Variants in CHODL observed in about 807,000 individuals in gnomAD.
CHODL encodes the protein transmembrane protein MT75.
In CHODL, 29 loss-of-function variants were observed where a neutral mutation model predicts 34.5. The ratio of observed to expected loss-of-function variants is 0.84; its 90% CI spans 0.63 to 1.15. The LOEUF (loss-of-function observed/expected upper bound fraction) is 1.15, where lower values mean the gene tolerates loss of function less well. Among genes scored for constraint, CHODL ranks in the 50% most tolerant of loss-of-function variants. CHODL has a pLI of 0.00. For synonymous variants in CHODL, 125 were observed against 116.1 expected (o/e 1.08, Z -0.49); for missense variants, 332 against 332.5 (o/e 1.00, Z 0.01).
intron 2 of CHODL, among the ~76,000 whole-genome samples, chr21:18,095,150 TA>T (rs1188691597): frequency 4.0e-5 from 6 of 149,700 alleles, no homozygotes; most frequent in Admixed American, 2.0e-4. Flanking sequence ...GAAAGAAAAA[TA>T]ATAAAAGAGC....
chr21:18,010,980 T>A lies in CHODL; in HGVS notation c.-144-16892T>A, dbSNP rs1160295576. Among the ~76,000 whole-genome samples, 3 of 152,218 alleles carry A rather than the reference T, an allele frequency of 2.0e-5. No homozygotes were observed. In the East Asian group the frequency reaches 5.8e-4, roughly 29 times the overall value. ...TAATACTCTTAGAAGACATTCTTAC[T>A]TCTGAATATTTACTCAAATGTTTCA... On this transcript the variant is annotated intron_variant, in intron 1 of 6. Transcript: ENST00000400127.
At chr21:18,238,167 TG>T (rs2074047104) in intron 2 of CHODL, among the ~76,000 whole-genome samples, 1 of 152,100 alleles carries the variant, frequency 6.6e-6, no homozygotes, top group African/African-American at 2.4e-5. Context: ...GTATAGAGTC[TG>T]GGAAGAGACA....
At chr21:18,001,831 G>A (rs550798246) in intron 1 of CHODL, among the ~76,000 whole-genome samples, 58 of 132,002 alleles carry the variant, frequency 4.4e-4, no homozygotes, top group African/African-American at 8.6e-4. Flanking sequence ...AGTCCATGTC[G>A]TCACAAAAGA....
intron 2 of CHODL, among the ~76,000 whole-genome samples, chr21:18,130,324 A>G (rs529806139): frequency 6.6e-6 from 1 of 152,338 alleles, no homozygotes; most frequent in African/African-American, 2.4e-5. Context: ...AGGTATTATT[A>G]TTATTCCTAG....
At chr21:18,027,335 G>A (rs1885217413) in intron 1 of CHODL, among the ~76,000 whole-genome samples, 1 of 152,076 alleles carries the variant, frequency 6.6e-6, no homozygotes, top group African/African-American at 2.4e-5. Context: ...CCTTTCATTA[G>A]TTTTTTAATA....
At chr21:17,982,007 A>G (rs888910872) in intron 1 of CHODL, among the ~76,000 whole-genome samples, 3 of 152,226 alleles carry the variant, frequency 2.0e-5, no homozygotes, top group African/African-American at 7.2e-5. Flanking sequence ...AATTCCTAAT[A>G]TTTAACAATG....
intron 1 of CHODL, among the ~76,000 whole-genome samples, chr21:18,019,849 T>G (rs2064111385): frequency 6.6e-6 from 1 of 152,112 alleles, no homozygotes; most frequent in Non-Finnish European, 1.5e-5. Context: ...GACCTACCCA[T>G]TCTTGATCAG....
intron 2 of CHODL, among the ~76,000 whole-genome samples, chr21:18,223,758 T>C (rs2073905893): frequency 6.6e-6 from 1 of 152,102 alleles, no homozygotes; most frequent in Non-Finnish European, 1.5e-5. Context: ...GATAATAAAA[T>C]AAACTTCTGT....
At chr21:18,087,095 G>C (rs157051) in intron 2 of CHODL, among the ~76,000 whole-genome samples, 60,915 of 151,976 alleles carry the variant, frequency 0.4, 13,504 homozygotes, top group Non-Finnish European at 0.51. Context: ...CTTCCCTGTC[G>C]ATCCCCCAGC....
intron 1 of CHODL, among the ~76,000 whole-genome samples, chr21:17,962,879 C>G (rs1015251614): frequency 6.6e-6 from 1 of 151,602 alleles, no homozygotes; most frequent in East Asian, 1.9e-4. Context: ...CTGGCTAACA[C>G]GGTGAAAACC....
intron 2 of CHODL, among the ~76,000 whole-genome samples, chr21:18,112,343 G>A (rs998906045): frequency 4.6e-5 from 7 of 151,978 alleles, no homozygotes; most frequent in African/African-American, 1.7e-4. Flanking sequence ...ACTACTCAAA[G>A]CAATATATAT....
rs1343246077 is a variant in CHODL, at chr21:18,251,483, TA to T, written c.80-5024del. Among the ~76,000 whole-genome samples, 65 of 136,242 alleles carry T rather than the reference TA, an allele frequency of 4.8e-4. 2 individuals are homozygous for T. Among genetic ancestry groups the T allele is most frequent in the East Asian group, 8.6e-4 (4 of 4,642 alleles). 89.4% of individuals were successfully genotyped at this position (136,242 alleles called of 152,430 possible). On this transcript the variant is annotated intron_variant, in intron 1 of 5. Transcript: ENST00000299295. ...TTTTATTTATTTTAATTATTTATTT[TA>T]ATATATAAAATAAATATTTATTTTA...
chr21:17,965,445 T>A (rs544396356), intron 1 of CHODL, among the ~76,000 whole-genome samples: 46 of 152,128 alleles, frequency 3.0e-4, no homozygotes, highest in African/African-American at 1.1e-3. Flanking sequence ...CCTTCCATCC[T>A]CCTCCTCCTC....
intron 1 of CHODL, among the ~76,000 whole-genome samples, chr21:18,023,904 G>A (rs284825): frequency 0.32 from 49,417 of 152,098 alleles, 11,806 homozygotes; most frequent in African/African-American, 0.67. Flanking sequence ...ACGGCACAGA[G>A]TATCTGATTC....
At chr21:18,163,519 G>A (rs1023305480) in intron 2 of CHODL, among the ~76,000 whole-genome samples, 2 of 152,074 alleles carry the variant, frequency 1.3e-5, no homozygotes, top group Non-Finnish European at 2.9e-5. Context: ...GGAAGATATA[G>A]CTAGGACCAA....
At chr21:18,053,928 G>T (rs983022829) in intron 2 of CHODL, among the ~76,000 whole-genome samples, 2 of 133,866 alleles carry the variant, frequency 1.5e-5, no homozygotes, top group African/African-American at 4.9e-5. Context: ...TGACATAAAT[G>T]TGTATAATTT....
chr21:17,997,727 T>A (rs1220317517), intron 1 of CHODL, among the ~76,000 whole-genome samples: 1 of 152,050 alleles, frequency 6.6e-6, no homozygotes, highest in Non-Finnish European at 1.5e-5. Flanking sequence ...GCCCATCGGA[T>A]CTCCTGAGAC....
intron 2 of CHODL, among the ~76,000 whole-genome samples, chr21:18,060,300 C>CA (rs2064643539): frequency 6.6e-6 from 1 of 151,840 alleles, no homozygotes. Flanking sequence ...ACAAAAAATA[C>CA]AAAAATTGGC....
chr21:18,041,855 A>G (rs1041943556), intron 2 of CHODL, among the ~76,000 whole-genome samples: 14 of 151,930 alleles, frequency 9.2e-5, no homozygotes, highest in Non-Finnish European at 1.9e-4. Flanking sequence ...TATGGCTTTT[A>G]TATGTGCTAA....
Sources: allele counts gnomAD v4.1 joint callset (sites outside exome capture counted in the v4.1 genomes callset), GRCh38; gene constraint gnomAD v4.1.1; transcripts MANE v1.5; gene names NCBI Gene and HGNC (gene_info 2026-07-23, HGNC 2026-07-21).